The following FLYWCH2 variants were observed in gnomAD, a reference collection of about 807,000 sequenced individuals.
FLYWCH2 encodes the protein FLYWCH family member 2.
Under a neutral mutation model 6.0 loss-of-function variants are expected in FLYWCH2, and 2 were observed. The ratio of observed to expected loss-of-function variants is 0.33; its 90% CI spans 0.14 to 1.04. The LOEUF (loss-of-function observed/expected upper bound fraction) is 1.04. Ranked by LOEUF, FLYWCH2 falls within the 50% of genes least tolerant of loss-of-function variation. The pLI, the probability that FLYWCH2 is intolerant of heterozygous loss-of-function variation, is 0.45. For synonymous variants in FLYWCH2, 87 were observed against 79.3 expected, an observed-to-expected ratio of 1.10 and a Z score of -0.52; for missense variants, 192 against 183.4, an observed-to-expected ratio of 1.05 and a Z score of -0.27.
rs373664446 is a variant in FLYWCH2 at position 2,899,083 on chromosome 16, G to A, written c.357G>A (p.Ala119=). 1.8e-5 allele frequency: 29 copies of A among 1,613,562 alleles called. No homozygotes were observed. The highest frequency in any genetic ancestry group is 2.7e-5 in the African/African-American group (2 of 74,842). ...TDRTEDSGLA[A]GPPEAAGENF... ...GAACAGAAGACAGTGGATTAGCAGCGGGGCCTCCTGAGGCTGCTGGGGAGA... is the reference window on the plus strand; with the variant it reads ...GAACAGAAGACAGTGGATTAGCAGCAGGGCCTCCTGAGGCTGCTGGGGAGA... Residue 119 remains alanine, a synonymous_variant, in exon 4 of 4, where the codon GCG becomes GCA. Coordinates refer to ENST00000396958, the MANE Select transcript of FLYWCH2 (RefSeq NM_138439.3).
intron 1 of FLYWCH2, among the ~76,000 whole-genome samples, chr16:2,891,607 G>A (rs931441120): frequency 6.6e-6 from 1 of 151,990 alleles, no homozygotes; most frequent in African/African-American, 2.4e-5. Flanking sequence ...GGGTTTCACC[G>A]TGTTAGCCAG....
intron 1 of FLYWCH2, among the ~76,000 whole-genome samples, chr16:2,888,400 GT>G (rs536713674): frequency 2.9e-4 from 35 of 121,444 alleles, no homozygotes; most frequent in East Asian, 1.1e-3. Context: ...AGTCCTGCAA[GT>G]TTTTTTTTTT....
Position 2,887,457 on chromosome 16 carries a change from A to C in FLYWCH2, c.-200+4091A>C, listed in dbSNP as rs141771460. 2.5e-3 allele frequency among the ~76,000 whole-genome samples: 372 copies of C among 151,420 alleles called. 4 individuals are homozygous for C. The highest frequency in any genetic ancestry group is 7.9e-3 in the African/African-American group (324 of 41,196). On this transcript the variant is annotated intron_variant, in intron 1 of 3. Transcript: ENST00000396958. ...TTTATAGGCATGAGCCACCATGCCT[A>C]GCCATATAATTTATTTAGAGTTAAT...
intron 1 of FLYWCH2, among the ~76,000 whole-genome samples, chr16:2,889,753 CCCT>C (rs1259941607): frequency 7.9e-5 from 12 of 152,072 alleles, no homozygotes; most frequent in Non-Finnish European, 1.8e-4. Context: ...CCCCAGCTTC[CCCT>C]CATGTTAACA....
rs967890625 is a variant in FLYWCH2 at position 2,899,265 on chromosome 16, T to A, written c.*116T>A. 4 of 504,580 alleles carry A rather than the reference T, an allele frequency of 7.9e-6. No homozygotes were observed. Among genetic ancestry groups the A allele is most frequent in the Non-Finnish European group, 6.7e-6 (2 of 300,672 alleles). 31.3% of individuals were successfully genotyped at this position (504,580 alleles called of 1,614,324 possible). ...TTGCTTTTAACATTGTGTGATTTCT[T>A]TTCTTTTTTTTTTTTTTTTTAGATC... On this transcript the variant is annotated 3_prime_UTR_variant, in exon 4 of 4. Transcript: ENST00000396958.
intron 1 of FLYWCH2, among the ~76,000 whole-genome samples, chr16:2,890,107 C>A (rs758427562): frequency 6.6e-6 from 1 of 151,972 alleles, no homozygotes; most frequent in Non-Finnish European, 1.5e-5. Flanking sequence ...GAAAACTAAC[C>A]TATAGACTTT....
At chr16:2,894,248 G>A (rs1322435239) in intron 1 of FLYWCH2, among the ~76,000 whole-genome samples, 3 of 152,118 alleles carry the variant, frequency 2.0e-5, no homozygotes, top group African/African-American at 7.2e-5. Context: ...TGCACGCTGG[G>A]TATGCAAGAG....
intron 1 of FLYWCH2, among the ~76,000 whole-genome samples, chr16:2,888,470 C>A (rs1238141686): frequency 1.7e-5 from 2 of 114,994 alleles, no homozygotes; most frequent in Non-Finnish European, 3.4e-5. Context: ...TTAGGACCAG[C>A]TTGTCAGTTT....
chr16:2,886,957 C>G (rs191069002), intron 1 of FLYWCH2, among the ~76,000 whole-genome samples: 33 of 152,190 alleles, frequency 2.2e-4, no homozygotes, highest in Admixed American at 3.9e-4. Context: ...TATCTCTTAA[C>G]TTTCAAAAGT....
Position 2,883,221 on chromosome 16 carries a change from C to G in FLYWCH2, c.-345C>G, listed in dbSNP as rs1298415983. Reference sequence around the variant, plus strand: ...CGGAGGAGCGGCCCCAGCCAGAAGACAGGGCACCCGCGGCCTTGCTGCGCA... The same window carrying G: ...CGGAGGAGCGGCCCCAGCCAGAAGAGAGGGCACCCGCGGCCTTGCTGCGCA... On this transcript the variant is annotated 5_prime_UTR_variant, in exon 1 of 4. Transcript: ENST00000396958. 2 of 152,300 alleles carry G rather than the reference C, an allele frequency of 1.3e-5. No individual in the cohort carries two copies. Among genetic ancestry groups the G allele is most frequent in the Non-Finnish European group, 2.9e-5 (2 of 68,066 alleles). 9.4% of individuals were successfully genotyped at this position (152,300 alleles called of 1,614,324 possible). A position where few individuals can be genotyped will look rare whatever the true frequency, so the allele number is the denominator to read the frequency against.
intron 1 of FLYWCH2, among the ~76,000 whole-genome samples, chr16:2,893,676 C>T (rs1415361972): frequency 5.2e-5 from 7 of 134,648 alleles, no homozygotes; most frequent in South Asian, 2.3e-4. Context: ...CTCGCTCTGT[C>T]GCCCAGGCTG....
intron 1 of FLYWCH2, among the ~76,000 whole-genome samples, chr16:2,885,375 C>CA (rs2150842034): frequency 6.6e-6 from 1 of 152,198 alleles, no homozygotes; most frequent in Non-Finnish European, 1.5e-5. Flanking sequence ...AGTGTGATCA[C>CA]AAAGTTGTGC....
At chr16:2,893,541 A>T (rs2069782617) in intron 1 of FLYWCH2, among the ~76,000 whole-genome samples, 1 of 151,870 alleles carries the variant, frequency 6.6e-6, no homozygotes, top group Non-Finnish European at 1.5e-5. Context: ...GCTTTGGAGA[A>T]TTAGTCAATA....
intron 1 of FLYWCH2, among the ~76,000 whole-genome samples, chr16:2,885,217 G>C (rs1159728885): frequency 6.6e-6 from 1 of 152,038 alleles, no homozygotes; most frequent in Admixed American, 6.6e-5. Flanking sequence ...AGCTACTCCG[G>C]AGGCTGAGGC....
Position 2,897,362 on chromosome 16 carries a change from G to A in FLYWCH2, c.322+591G>A, listed in dbSNP as rs550554669. ...TCACCCCCCACCAAGCCTCCGGGGAGATACAGCTCAGGGCTCACAGGTCCC... is the reference window on the plus strand; with the variant it reads ...TCACCCCCCACCAAGCCTCCGGGGAAATACAGCTCAGGGCTCACAGGTCCC... On this transcript the variant is annotated intron_variant, in intron 3 of 3. Transcript: ENST00000396958. Among the ~76,000 whole-genome samples the A allele has an allele frequency of 4.4e-4, 67 of 152,322 alleles. No individual in the cohort carries two copies. The South Asian group carries it at 0.013, about 29-fold the overall frequency.
At chr16:2,893,344 T>G (rs2069780807) in intron 1 of FLYWCH2, among the ~76,000 whole-genome samples, 1 of 152,156 alleles carries the variant, frequency 6.6e-6, no homozygotes, top group African/African-American at 2.4e-5. Context: ...CTGCCAGCCA[T>G]CAGTCAGTGC....
At chr16:2,883,916 A>G (rs1333288506) in intron 1 of FLYWCH2, among the ~76,000 whole-genome samples, 1 of 152,342 alleles carries the variant, frequency 6.6e-6, no homozygotes, top group South Asian at 2.1e-4. Context: ...AGGAGCTGCC[A>G]TGGCTGAAAT....
At chr16:2,896,324 A>T in intron 2 of FLYWCH2, 28 bp from the exon 3 acceptor site, 1 of 1,260,686 alleles carries the variant, frequency 7.9e-7, no homozygotes, top group Non-Finnish European at 1.1e-6. Flanking sequence ...GGCTTCCACC[A>T]CTGACGGGAT....
chr16:2,897,429 G>T (rs188069553), intron 3 of FLYWCH2, among the ~76,000 whole-genome samples: 26 of 152,302 alleles, frequency 1.7e-4, no homozygotes, highest in Admixed American at 1.1e-3. Context: ...GCTGCTGCGG[G>T]CTGGCTGGAG....
Sources: gnomAD v4.1 joint callset for allele counts (sites outside exome capture counted in the v4.1 genomes callset) on GRCh38, gnomAD v4.1.1 for gene constraint, MANE v1.5 for transcripts, NCBI Gene and HGNC (gene_info 2026-07-23, HGNC 2026-07-21) for gene names.